GRID2: variants seen among roughly 807,000 people sequenced by gnomAD.
GRID2 encodes glutamate receptor ionotropic, delta-2.
GRID2 carries 33 observed loss-of-function variants against 114.8 expected under a neutral mutation model. The ratio of observed to expected loss-of-function variants is 0.29; its 90% CI spans 0.22 to 0.38. The LOEUF (loss-of-function observed/expected upper bound fraction) is 0.38. Among genes scored for constraint, GRID2 ranks in the 10% least tolerant of loss-of-function variants. The pLI is 1.00. For missense variants in GRID2, 1,184 were observed against 1,257.7 expected (o/e 0.94, Z 0.89); for synonymous variants, 505 against 449.9 (o/e 1.12, Z -1.55).
intron 4 of GRID2, among the ~76,000 whole-genome samples, chr4:93,151,896 C>A (rs538298364): frequency 3.1e-4 from 47 of 152,042 alleles, no homozygotes; most frequent in African/African-American, 1.1e-3. Flanking sequence ...TTCTGAAATT[C>A]TTAATTTAAA....
At chr4:93,170,033 G>A (rs1738643398) in intron 4 of GRID2, among the ~76,000 whole-genome samples, 2 of 152,122 alleles carry the variant, frequency 1.3e-5, no homozygotes, top group Non-Finnish European at 2.9e-5. Context: ...TATAGGCTAT[G>A]TTTTTTGGCA....
intron 1 of GRID2, among the ~76,000 whole-genome samples, chr4:92,454,009 A>G (rs894642533): frequency 1.3e-5 from 2 of 152,198 alleles, no homozygotes; most frequent in Non-Finnish European, 2.9e-5. Flanking sequence ...CAGCCAAAAC[A>G]TAATTAGATT....
chr4:93,166,292 A>G (rs1738241733), intron 4 of GRID2: 1 of 152,164 alleles, frequency 6.6e-6, no homozygotes, highest in Non-Finnish European at 1.5e-5. Context: ...ATTTTCTCAA[A>G]CCCCAACATC....
intron 4 of GRID2, among the ~76,000 whole-genome samples, chr4:93,184,560 A>G (rs2149439574): frequency 6.6e-6 from 1 of 151,408 alleles, no homozygotes; most frequent in East Asian, 1.9e-4. Context: ...ATATTTCTCA[A>G]GTCCCTACAG....
intron 2 of GRID2, among the ~76,000 whole-genome samples, chr4:92,602,423 C>T (rs1729261219): frequency 6.6e-6 from 1 of 152,068 alleles, no homozygotes; most frequent in African/African-American, 2.4e-5. Context: ...AAACATAATT[C>T]ATTACATAAA....
chr4:93,677,558 G>A lies in GRID2; in HGVS notation c.2360+51123G>A, dbSNP rs112751513. On this transcript the variant is annotated intron_variant, in intron 14 of 15. Coordinates refer to ENST00000282020, the MANE Select transcript of GRID2 (RefSeq NM_001510.4). ...GTAGGGGCAGACTGACACCTCGCAC[G>A]GCCGGGCACTCCTCTGAGACAAAAC... is the stretch of plus-strand genomic sequence containing the variant. 1.2e-3 allele frequency among the ~76,000 whole-genome samples: 182 copies of A among 152,166 alleles called. 1 individual carries two copies. Among genetic ancestry groups the A allele is most frequent in the African/African-American group, 2.3e-3 (95 of 41,524 alleles).
At position 93,515,373 on chromosome 4, in the gene GRID2, G is replaced by C; in HGVS notation, c.2155G>C (p.Glu719Gln). Reference protein sequence around the residue: ...WRMINRSNGSENNVLESQAGI... With the variant: ...WRMINRSNGSQNNVLESQAGI... ...GATGATCAACCGAAGCAATGGATCG[G>C]AGAACAATGTTCTGGAGTCCCAGGC... Residue 719 changes from glutamate to glutamine, a missense_variant, in exon 13 of 16, where the codon GAG becomes CAG. Glu to Gln is a conservative substitution (Grantham distance 29, BLOSUM62 2). Transcript: ENST00000282020. 6.2e-7 allele frequency: 1 copy of C among 1,613,082 alleles called. No individual in the cohort carries two copies. Among genetic ancestry groups the C allele is most frequent in the Non-Finnish European group, 8.5e-7 (1 of 1,179,262 alleles).
intron 1 of GRID2, among the ~76,000 whole-genome samples, chr4:92,443,021 G>A (rs1200791052): frequency 6.6e-6 from 1 of 151,684 alleles, no homozygotes; most frequent in Non-Finnish European, 1.5e-5. Flanking sequence ...GAGCAGCCTG[G>A]GGAGGAAGGG....
chr4:92,970,395 G>A (rs929768634), intron 2 of GRID2, among the ~76,000 whole-genome samples: 1 of 151,828 alleles, frequency 6.6e-6, no homozygotes, highest in Non-Finnish European at 1.5e-5. Context: ...AATTTATATA[G>A]AATATATTAA....
intron 9 of GRID2, among the ~76,000 whole-genome samples, chr4:93,412,134 G>A (rs1367813284): frequency 6.6e-6 from 1 of 151,478 alleles, no homozygotes; most frequent in African/African-American, 2.4e-5. Flanking sequence ...AAAAGCCCCA[G>A]GCTGGGTTCT....
At chr4:93,624,913 A>C (rs1742557269) in intron 13 of GRID2, among the ~76,000 whole-genome samples, 1 of 149,220 alleles carries the variant, frequency 6.7e-6, no homozygotes, top group Non-Finnish European at 1.5e-5. Flanking sequence ...ACCAGAGTAA[A>C]GTTGTGTTCC....
At chr4:92,948,593 T>C (rs1008296844) in intron 2 of GRID2, among the ~76,000 whole-genome samples, 1 of 151,984 alleles carries the variant, frequency 6.6e-6, no homozygotes, top group Non-Finnish European at 1.5e-5. Context: ...AATAGTTCTA[T>C]GGATAAGAAA....
intron 2 of GRID2, among the ~76,000 whole-genome samples, chr4:92,630,808 T>G (rs1730768788): frequency 6.6e-6 from 1 of 152,084 alleles, no homozygotes; most frequent in African/African-American, 2.4e-5. Flanking sequence ...GATTAGTAAG[T>G]TATACTATAA....
chr4:92,469,393 C>A (rs1011848049), intron 1 of GRID2, among the ~76,000 whole-genome samples: 3 of 152,006 alleles, frequency 2.0e-5, no homozygotes, highest in African/African-American at 7.2e-5. Context: ...TGCTCAAGCT[C>A]CTTATGTAGA....
chr4:93,011,818 T>C (rs1181964558), intron 2 of GRID2, among the ~76,000 whole-genome samples: 2 of 152,110 alleles, frequency 1.3e-5, no homozygotes, highest in South Asian at 2.1e-4. Flanking sequence ...TAGACATATA[T>C]TGCTATCCAA....
chr4:93,474,498 TTC>T (rs1330732980), intron 11 of GRID2, among the ~76,000 whole-genome samples: 2 of 152,202 alleles, frequency 1.3e-5, no homozygotes, highest in Admixed American at 1.3e-4. Flanking sequence ...CAAACTCTTA[TTC>T]TGTTTGTTTT....
chr4:92,352,011 T>G (rs2110185025), intron 1 of GRID2, among the ~76,000 whole-genome samples: 1 of 152,082 alleles, frequency 6.6e-6, no homozygotes. Context: ...TTCCTTCAGG[T>G]AAATAACAAG....
At chr4:93,220,496 A>G (rs1283582298) in intron 6 of GRID2, among the ~76,000 whole-genome samples, 2 of 152,190 alleles carry the variant, frequency 1.3e-5, no homozygotes, top group Non-Finnish European at 2.9e-5. Flanking sequence ...TAAAAGTTAT[A>G]ACATTTGTGT....
intron 2 of GRID2, among the ~76,000 whole-genome samples, chr4:93,057,853 C>A (rs1727408220): frequency 6.6e-6 from 1 of 151,896 alleles, no homozygotes; most frequent in African/African-American, 2.4e-5. Context: ...GATTGCTAGG[C>A]AATTCCGTCA....
Sources: allele counts gnomAD v4.1 joint callset (sites outside exome capture counted in the v4.1 genomes callset), GRCh38; gene constraint gnomAD v4.1.1; transcripts MANE v1.5; gene names NCBI Gene and HGNC (gene_info 2026-07-23, HGNC 2026-07-21).